The following FEZF1 variants were observed in gnomAD, a reference collection of about 807,000 sequenced individuals.
The protein encoded by FEZF1 is fez family zinc finger protein 1.
A neutral mutation model predicts 32.4 loss-of-function variants in FEZF1; 8 were observed. That is an observed-to-expected ratio of 0.25 (90% confidence interval 0.15 to 0.45). FEZF1 has a LOEUF of 0.45. Among genes scored for constraint, FEZF1 ranks in the 20% least tolerant of loss-of-function variants. FEZF1 has a pLI of 1.00. For missense variants in FEZF1, 546 were observed against 622.3 expected (o/e 0.88, Z 1.31); for synonymous variants, 259 against 265.2 (o/e 0.98, Z 0.23).
rs1040275600 is a variant in FEZF1, at chr7:122,302,425, G to GT, written c.1070-71dup. ...AGCTTAAAAAGGGAGGAGCAGACAC[G>GT]TGGAAGGTAGCGCCAGGCAAGCAGA... On this transcript the variant is annotated intron_variant, in intron 3 of 3. Transcript: ENST00000442488. This position sits in a 1 kb window ranked among gnomAD's most constrained non-coding sequence, Gnocchi z 4.4. 2 of 1,591,684 alleles carry GT rather than the reference G, an allele frequency of 1.3e-6. No individual in the cohort carries two copies. Among genetic ancestry groups the GT allele is most frequent in the African/African-American group, 2.7e-5 (2 of 74,176 alleles).
upstream of FEZF1, chr7:122,305,725 G>A (rs370929828): frequency 6.6e-6 from 1 of 152,236 alleles, no homozygotes; most frequent in Non-Finnish European, 1.5e-5. Context: ...TCCCCACTCC[G>A]GTTGCCGGTG....
At position 122,303,509 on chromosome 7, in the gene FEZF1, GGAAGGAAGGAAGGAAGGAAGGAAGGAA is replaced by G. The variant is rs1261671048; in HGVS notation, c.801+101_801+127del. 14 of 554,458 alleles carry G rather than the reference GGAAGGAAGGAAGGAAGGAAGGAAGGAA, an allele frequency of 2.5e-5. No individual in the cohort carries two copies. In the African/African-American group the frequency reaches 3.4e-4, roughly 13 times the overall value. The allele number at this position is 554,458 out of a possible 1,614,324, so 34.3% of individuals were successfully genotyped here. A position where few individuals can be genotyped will look rare whatever the true frequency, so the allele number is the denominator to read the frequency against. ...AGGAAGGAAGGAAGGAAGGAAGGAA[GGAAGGAAGGAAGGAAGGAAGGAAGGAA>G]GGAGGGAGGGAAGGAAGGAGGGAAG... On this transcript the variant is annotated intron_variant, in intron 1 of 3. Transcript: ENST00000442488.
upstream of FEZF1, chr7:122,306,423 A>G (rs1305202216): frequency 6.6e-6 from 1 of 152,244 alleles, no homozygotes; most frequent in East Asian, 1.9e-4. Context: ...GTCCCTGAGC[A>G]ATTTCACTCA....
In FEZF1 at chr7:122,302,446, G is replaced by A. The variant is rs1407387337; in HGVS notation, c.1070-91C>T. The A allele has an allele frequency of 6.4e-7, 1 of 1,552,694 alleles. No individual in the cohort carries two copies. Among genetic ancestry groups the A allele is most frequent in the East Asian group, 2.3e-5 (1 of 43,202 alleles). On this transcript the variant is annotated intron_variant, in intron 3 of 3. Transcript: ENST00000442488. This position sits in a 1 kb window ranked among gnomAD's most constrained non-coding sequence, Gnocchi z 4.4. ...ACACGTGGAAGGTAGCGCCAGGCAA[G>A]CAGAAGAGCCGCCACAGGTCCCACA...
chr7:122,304,192 G>A lies in FEZF1; in HGVS notation c.246C>T (p.Tyr82=). 1 of 1,597,438 alleles carries A rather than the reference G, an allele frequency of 6.3e-7. No individual in the cohort carries two copies. Among genetic ancestry groups the A allele is most frequent in the Non-Finnish European group, 8.5e-7 (1 of 1,169,710 alleles). Residue 82 remains tyrosine, a synonymous_variant, in exon 1 of 4, where the codon TAC becomes TAT. Transcript: ENST00000442488. ...PCMIPFVPVA[Y]DTSPKAGVTG... ...TCACTCCTGCCTTGGGGCTCGTGTC[G>A]TAGGCCACAGGCACGAAGGGGATCA...
chr7:122,303,517 G>A (rs2031127067), intron 1 of FEZF1, 120 bp downstream of exon 1: 5 of 514,228 alleles, frequency 9.7e-6, no homozygotes, highest in Non-Finnish European at 1.7e-5. Flanking sequence ...AAGGAAGGAA[G>A]GAAGGAAGGA....
Sources: gnomAD v4.1 joint callset for allele counts on GRCh38, gnomAD v4.1.1 for gene constraint, Gnocchi (gnomAD v3.1) non-coding constraint, MANE v1.5 for transcripts, NCBI Gene and HGNC (gene_info 2026-07-23, HGNC 2026-07-21) for gene names.